Variants in RORB observed in about 807,000 individuals in gnomAD.
The protein encoded by RORB is RAR related orphan receptor B, also known as nuclear receptor ROR-beta.
A neutral mutation model predicts 59.1 loss-of-function variants in RORB; 6 were observed. The observed-to-expected ratio is 0.10, with a 90% CI of 0.06 to 0.20. The LOEUF is 0.20. RORB is among the 10% of genes least tolerant of loss of function. The pLI is 1.00. For missense variants in RORB, 320 were observed against 560.5 expected (o/e 0.57, Z 4.33); for synonymous variants, 215 against 204.5 (o/e 1.05, Z -0.44).
intron 1 of RORB, chr9:74,615,526 G>A (rs1252276861): frequency 7.3e-5 from 30 of 411,284 alleles, no homozygotes; most frequent in Middle Eastern, 6.9e-4. Context: ...GTGGGTTAAC[G>A]CAGGGGCAGT....
At chr9:74,559,836 C>A (rs1822367346) in intron 1 of RORB, among the ~76,000 whole-genome samples, 1 of 152,102 alleles carries the variant, frequency 6.6e-6, no homozygotes, top group Non-Finnish European at 1.5e-5. Flanking sequence ...AGGCCTGCTT[C>A]TTTTGAAGGC....
At chr9:74,579,289 T>C (rs1402158277) in intron 1 of RORB, among the ~76,000 whole-genome samples, 1 of 152,160 alleles carries the variant, frequency 6.6e-6, no homozygotes, top group Non-Finnish European at 1.5e-5. Context: ...TATTACTTAT[T>C]AAACACAATT....
intron 8 of RORB, among the ~76,000 whole-genome samples, chr9:74,671,493 C>A (rs1824345233): frequency 6.6e-6 from 1 of 152,090 alleles, no homozygotes; most frequent in African/African-American, 2.4e-5. Flanking sequence ...AAGCATATGT[C>A]CAAAGCAAAG....
intron 1 of RORB, among the ~76,000 whole-genome samples, chr9:74,539,995 T>C (rs1826380168): frequency 6.6e-6 from 1 of 152,118 alleles, no homozygotes; most frequent in Non-Finnish European, 1.5e-5. Flanking sequence ...GAAAGACTTT[T>C]ATTTGAATGA....
At chr9:74,669,931 G>T (rs1233550790) in intron 8 of RORB, among the ~76,000 whole-genome samples, 1 of 152,120 alleles carries the variant, frequency 6.6e-6, no homozygotes, top group Non-Finnish European at 1.5e-5. Flanking sequence ...GATTCTTGAT[G>T]ATCTTATCAG....
intron 1 of RORB, among the ~76,000 whole-genome samples, chr9:74,617,626 A>G (rs1823334732): frequency 6.6e-6 from 1 of 152,178 alleles, no homozygotes; most frequent in African/African-American, 2.4e-5. Flanking sequence ...TGAGGGAGCT[A>G]TTCACTAATT....
At chr9:74,557,418 T>G (rs909198406) in intron 1 of RORB, among the ~76,000 whole-genome samples, 4 of 152,128 alleles carry the variant, frequency 2.6e-5, no homozygotes, top group Non-Finnish European at 5.9e-5. Context: ...AGGAGAATAG[T>G]GCCAAGAGAA....
At chr9:74,649,084 A>G (rs1587405187) in intron 4 of RORB, among the ~76,000 whole-genome samples, 1 of 151,414 alleles carries the variant, frequency 6.6e-6, no homozygotes, top group Non-Finnish European at 1.5e-5. Flanking sequence ...CTGCCTCAGC[A>G]TCTCAAGTAG....
intron 9 of RORB, among the ~76,000 whole-genome samples, chr9:74,684,581 C>T (rs773541124): frequency 6.6e-6 from 1 of 150,948 alleles, no homozygotes; most frequent in Non-Finnish European, 1.5e-5. Flanking sequence ...AAGACCCATA[C>T]GGCATTTAAA....
At chr9:74,506,305 A>T (rs1262180832) in intron 1 of RORB, among the ~76,000 whole-genome samples, 1 of 152,092 alleles carries the variant, frequency 6.6e-6, no homozygotes, top group African/African-American at 2.4e-5. Flanking sequence ...AAGTTATAAA[A>T]TCAACACTTG....
intron 1 of RORB, among the ~76,000 whole-genome samples, chr9:74,614,254 G>C (rs1823275086): frequency 6.6e-6 from 1 of 152,204 alleles, no homozygotes; most frequent in South Asian, 2.1e-4. Flanking sequence ...GGGTAACTCA[G>C]TGGGGTAGTA....
At chr9:74,510,641 G>A (rs982943758) in intron 1 of RORB, among the ~76,000 whole-genome samples, 8 of 152,108 alleles carry the variant, frequency 5.3e-5, no homozygotes, top group African/African-American at 1.7e-4. Context: ...CGCAGGACAG[G>A]TATGAATAGG....
chr9:74,630,147 C>T, intron 1 of RORB, 135 bp from the exon 2 acceptor site: 1 of 1,138,272 alleles, frequency 8.8e-7, no homozygotes, highest in African/African-American at 1.6e-5. Context: ...TAATGGATGA[C>T]TCCCACACCA....
At chr9:74,534,323 T>A (rs1185056178) in intron 1 of RORB, among the ~76,000 whole-genome samples, 1 of 151,984 alleles carries the variant, frequency 6.6e-6, no homozygotes, top group Non-Finnish European at 1.5e-5. Context: ...TCTTTGATCT[T>A]ATTTCCCTTC....
intron 1 of RORB, 185 bp from the exon 2 acceptor site, chr9:74,630,097 A>C: frequency 6.8e-6 from 2 of 295,018 alleles, no homozygotes; most frequent in Non-Finnish European, 1.0e-5. Context: ...AGAGAAATGT[A>C]CTTTGACTTA....
At chr9:74,624,179 A>G (rs1823470129) in intron 1 of RORB, among the ~76,000 whole-genome samples, 1 of 152,200 alleles carries the variant, frequency 6.6e-6, no homozygotes, top group African/African-American at 2.4e-5. Context: ...GATAAATGGT[A>G]TAGGGAATTA....
rs1049958337 is a variant in RORB, at chr9:74,686,553, A to G, written c.*935A>G. On this transcript the variant is annotated 3_prime_UTR_variant, in exon 10 of 10. Coordinates refer to ENST00000376896, the MANE Select transcript of RORB (RefSeq NM_006914.4). Reference sequence around the variant, plus strand: ...CATAAAAACACTTTTTTTCTTTTGGATTTCTGGTTGTGAAACAAGCTTGAT... The same window carrying G: ...CATAAAAACACTTTTTTTCTTTTGGGTTTCTGGTTGTGAAACAAGCTTGAT... The G allele has an allele frequency of 2.6e-5, 4 of 152,102 alleles. No homozygotes were observed. Among genetic ancestry groups the G allele is most frequent in the African/African-American group, 9.7e-5 (4 of 41,426 alleles). 9.4% of individuals were successfully genotyped at this position (152,102 alleles called of 1,614,324 possible).
intron 5 of RORB, among the ~76,000 whole-genome samples, chr9:74,661,028 C>T (rs1824172077): frequency 6.6e-6 from 1 of 152,196 alleles, no homozygotes; most frequent in South Asian, 2.1e-4. Flanking sequence ...GAGACCGTGC[C>T]TTCATCAAAT....
chr9:74,509,816 A>G (rs952406482), intron 1 of RORB, among the ~76,000 whole-genome samples: 1 of 152,134 alleles, frequency 6.6e-6, no homozygotes, highest in Non-Finnish European at 1.5e-5. Context: ...AACCTTGACA[A>G]CATTAAGAAG....
Sources: gnomAD v4.1 joint callset for allele counts (sites outside exome capture counted in the v4.1 genomes callset) on GRCh38, gnomAD v4.1.1 for gene constraint, MANE v1.5 for transcripts, NCBI Gene and HGNC (gene_info 2026-07-23, HGNC 2026-07-21) for gene names.